Variants in DOK7 observed in about 807,000 individuals in gnomAD.
DOK7 encodes the protein docking protein 7.
In DOK7, 32 loss-of-function variants were observed where a neutral mutation model predicts 30.7. The ratio of observed to expected loss-of-function variants is 1.04; its 90% confidence interval spans 0.79 to 1.40. The LOEUF (loss-of-function observed/expected upper bound fraction) is 1.40. DOK7 is among the 40% of genes most tolerant of loss of function. The pLI, the probability that DOK7 is intolerant of heterozygous loss-of-function variation, is 0.00. For missense variants in DOK7, 1,007 were observed against 699.2 expected (o/e 1.44, Z -4.97); for synonymous variants, 447 against 324.1 (o/e 1.38, Z -4.07).
chr4:3,467,458 C>T (rs551216661), intron 2 of DOK7, among the ~76,000 whole-genome samples: 1 of 130,922 alleles, frequency 7.6e-6, no homozygotes, highest in Admixed American at 7.4e-5. Flanking sequence ...GACCCCCCCC[C>T]CCCACCCCAG....
At chr4:3,464,030 A>C (rs939027652) in intron 2 of DOK7, among the ~76,000 whole-genome samples, 1 of 148,056 alleles carries the variant, frequency 6.8e-6, no homozygotes, top group East Asian at 2.0e-4. Flanking sequence ...CTGGGGGAAC[A>C]GTCCTCTGGG....
At chr4:3,500,657 G>C in intron 7 of DOK7, 1 of 1,535,712 alleles carries the variant, frequency 6.5e-7, no homozygotes, top group Non-Finnish European at 8.7e-7. Flanking sequence ...GGTGGCTCGG[G>C]GCGCAGGCTG....
At chr4:3,495,620 C>T (rs914256301), downstream of DOK7, among the ~76,000 whole-genome samples, 2 of 152,212 alleles carry the variant, frequency 1.3e-5, no homozygotes, top group African/African-American at 4.8e-5. Flanking sequence ...ACCCAGTTCC[C>T]AGGTGGGTGG....
Position 3,492,869 on chromosome 4 carries a change from T to C in DOK7, c.883T>C (p.Ser295Pro), listed in dbSNP as rs1728589265. 3.1e-6 allele frequency: 5 copies of C among 1,607,586 alleles called. No homozygotes were observed. Among genetic ancestry groups the C allele is most frequent in the Non-Finnish European group, 4.2e-6 (5 of 1,178,208 alleles). The change falls in exon 7 of 7, where the codon TCA (serine) becomes CCA (proline). Residue 295 changes from serine (S) to proline (P), a missense_variant. Transcript: ENST00000340083. The part of the protein sequence containing the change: ...PEQSSSSAST[S>P]QEGPRPAAAQ... ...GCAATCCTCGTCGTCAGCCAGCACG[T>C]CACAGGAGGGGCCTAGACCAGCAGC...
intron 4 of DOK7, among the ~76,000 whole-genome samples, chr4:3,477,383 G>T (rs1409549476): frequency 1.3e-5 from 2 of 152,254 alleles, no homozygotes; most frequent in African/African-American, 2.4e-5. Context: ...TCACACTGGT[G>T]GGGGCTCTGG....
chr4:3,484,476 G>A (rs2006171), intron 4 of DOK7: 92,984 of 984,710 alleles, frequency 0.094, 4,609 homozygotes, highest in East Asian at 0.24. Flanking sequence ...AGGCCCCGGA[G>A]CGGGCGGGAT....
intron 4 of DOK7, among the ~76,000 whole-genome samples, chr4:3,478,624 C>G (rs973130145): frequency 1.2e-5 from 1 of 84,850 alleles, no homozygotes; most frequent in African/African-American, 6.0e-5. Flanking sequence ...GCCTTTGCAG[C>G]TCAGTGCTGA....
At chr4:3,463,584 G>C (rs779876771) in intron 2 of DOK7, 33 bp downstream of exon 2, 1 of 1,517,334 alleles carries the variant, frequency 6.6e-7, no homozygotes, top group Admixed American at 2.0e-5. Context: ...GGGGGGCGCG[G>C]GGGTAGCGAC....
intron 4 of DOK7, among the ~76,000 whole-genome samples, chr4:3,483,573 G>A (rs1190652259): frequency 5.3e-5 from 8 of 152,220 alleles, no homozygotes; most frequent in Non-Finnish European, 1.2e-4. Flanking sequence ...GCCTTGCCCG[G>A]TTGACCGTGT....
chr4:3,463,981 T>A (rs1202731539), intron 2 of DOK7, among the ~76,000 whole-genome samples: 1 of 152,134 alleles, frequency 6.6e-6, no homozygotes, highest in Admixed American at 6.5e-5. Context: ...GACGAGAGGC[T>A]GGGCTGCGGT....
rs73080908 is a variant in DOK7, at chr4:3,469,365, C to T, written c.101-4041C>T. Among the ~76,000 whole-genome samples, 675 of 152,216 alleles carry T rather than the reference C, an allele frequency of 4.4e-3. 2 individuals carry two copies. Among genetic ancestry groups the T allele is most frequent in the African/African-American group, 0.015 (637 of 41,552 alleles). On this transcript the variant is annotated intron_variant, in intron 2 of 6. Transcript: ENST00000340083. The stretch of plus-strand genomic sequence containing the variant: ...GCCTGCCAGAGCCCCGGGAACCCTC[C>T]AAGTTCTGCAAAAGCCTTCCCTGGC...
intron 3 of DOK7, among the ~76,000 whole-genome samples, chr4:3,474,388 T>C (rs1480331431): frequency 3.9e-5 from 6 of 152,132 alleles, no homozygotes; most frequent in African/African-American, 1.4e-4. Context: ...TTTAAAAACT[T>C]GCTATTTTAG....
At chr4:3,496,361 A>G (rs1371830237), downstream of DOK7, among the ~76,000 whole-genome samples, 1 of 152,148 alleles carries the variant, frequency 6.6e-6, no homozygotes, top group East Asian at 1.9e-4. Flanking sequence ...CCAGCTGCAG[A>G]GAGCAGGGCC....
chr4:3,479,121 A>C (rs1183249468), intron 4 of DOK7, among the ~76,000 whole-genome samples: 1 of 152,168 alleles, frequency 6.6e-6, no homozygotes, highest in African/African-American at 2.4e-5. Context: ...GGCTTTTTCC[A>C]AAAGCTCTTG....
At chr4:3,501,103 C>T in exon 8 of DOK7, 1 of 496,620 alleles carries the variant, frequency 2.0e-6, no homozygotes, top group Non-Finnish European at 3.5e-6. Flanking sequence ...CATCAGGCAG[C>T]TCTGGTAGCT....
In DOK7 at chr4:3,500,682, ATTCT is replaced by A; in HGVS notation, c.1262-6_1262-3del. 3 of 1,535,660 alleles carry A rather than the reference ATTCT, an allele frequency of 2.0e-6. No individual in the cohort carries two copies. In the South Asian group the frequency reaches 3.6e-5, roughly 18 times the overall value. ...GGCGCAGGCTGCCGCTCACTACAGA[ATTCT>A]TTCAGGGGCTGGCGCCTCCCTCTAC... On this transcript the variant is annotated splice_polypyrimidine_tract_variant and splice_region_variant and intron_variant, in intron 7 of 7. Transcript: ENST00000643608.
intron 6 of DOK7, 63 bp from the exon 7 acceptor site, chr4:3,492,696 C>T (rs1293095080): frequency 1.2e-6 from 2 of 1,600,030 alleles, no homozygotes; most frequent in Non-Finnish European, 1.7e-6. Context: ...CACCAGGCAT[C>T]AGCCACGTCC....
At chr4:3,494,668 G>C (rs199673032), downstream of DOK7, among the ~76,000 whole-genome samples, 1 of 115,982 alleles carries the variant, frequency 8.6e-6, no homozygotes, top group African/African-American at 3.2e-5. Context: ...AGGCAGCTCC[G>C]GGCAGCCCCC....
intron 1 of DOK7, 33 bp downstream of exon 1, chr4:3,463,462 G>GGGCC: frequency 1.6e-6 from 2 of 1,215,582 alleles, no homozygotes; most frequent in East Asian, 3.1e-5. Context: ...GGGGGGGGGG[G>GGGCC]CGCGGGCGCG....
Sources: gnomAD v4.1 joint callset for allele counts (sites outside exome capture counted in the v4.1 genomes callset) on GRCh38, gnomAD v4.1.1 for gene constraint, MANE v1.5 for transcripts, NCBI Gene and HGNC (gene_info 2026-07-23, HGNC 2026-07-21) for gene names.